AGBL4: variants seen among roughly 807,000 people sequenced by gnomAD.
AGBL4 encodes cytosolic carboxypeptidase 6.
In AGBL4, 58 loss-of-function variants were observed where a neutral mutation model predicts 66.4. The ratio of observed to expected loss-of-function variants is 0.87; its 90% CI spans 0.71 to 1.09. The LOEUF (loss-of-function observed/expected upper bound fraction) is 1.09, where lower values mean the gene tolerates loss of function less well. Among genes scored for constraint, AGBL4 ranks in the 50% least tolerant of loss-of-function variants. The pLI, the probability that AGBL4 is intolerant of heterozygous loss-of-function variation, is 0.00. For synonymous variants in AGBL4, 234 were observed against 222.9 expected (o/e 1.05, Z -0.44); for missense variants, 579 against 631.0 (o/e 0.92, Z 0.88).
chr1:49,467,717 G>A (rs905092314), intron 3 of AGBL4, among the ~76,000 whole-genome samples: 2 of 151,784 alleles, frequency 1.3e-5, no homozygotes, highest in Non-Finnish European at 2.9e-5. Flanking sequence ...TAAGGTGTTG[G>A]ACTTCACGAT....
chr1:49,380,563 C>G (rs898243665), intron 3 of AGBL4, among the ~76,000 whole-genome samples: 2 of 152,032 alleles, frequency 1.3e-5, no homozygotes, highest in African/African-American at 4.8e-5. Flanking sequence ...AAGAACAAAG[C>G]TGGAGGCATC....
At chr1:49,363,948 G>T (rs1021107641) in intron 3 of AGBL4, among the ~76,000 whole-genome samples, 1 of 152,268 alleles carries the variant, frequency 6.6e-6, no homozygotes, top group Non-Finnish European at 1.5e-5. Context: ...AACACAGGGG[G>T]GCTGTGGATA....
chr1:49,439,015 C>T (rs1645966623), intron 3 of AGBL4, among the ~76,000 whole-genome samples: 1 of 152,092 alleles, frequency 6.6e-6, no homozygotes, highest in Non-Finnish European at 1.5e-5. Context: ...CTTAAAGATC[C>T]CACCTATTAA....
intron 6 of AGBL4, among the ~76,000 whole-genome samples, chr1:48,709,159 T>G (rs1469180219): frequency 6.6e-6 from 1 of 152,140 alleles, no homozygotes; most frequent in Non-Finnish European, 1.5e-5. Flanking sequence ...CTCTCTGGAG[T>G]GCAGCTCCAA....
intron 1 of AGBL4, among the ~76,000 whole-genome samples, chr1:50,016,048 A>G (rs1336162237): frequency 2.0e-5 from 3 of 152,318 alleles, no homozygotes; most frequent in Admixed American, 1.3e-4. Flanking sequence ...GGGAAATACC[A>G]TTTTGCACAT....
intron 5 of AGBL4, 119 bp from the exon 6 acceptor site, chr1:48,867,349 G>A: frequency 2.0e-6 from 2 of 995,802 alleles, no homozygotes. Context: ...AAATCATACG[G>A]AATGTGGTAC....
At chr1:49,689,147 C>T (rs898839222) in intron 3 of AGBL4, among the ~76,000 whole-genome samples, 1 of 152,056 alleles carries the variant, frequency 6.6e-6, no homozygotes, top group African/African-American at 2.4e-5. Flanking sequence ...AATCTTTGCC[C>T]ACGCCAATGC....
At chr1:49,281,000 G>A (rs538997879) in intron 3 of AGBL4, among the ~76,000 whole-genome samples, 24 of 152,262 alleles carry the variant, frequency 1.6e-4, no homozygotes, top group African/African-American at 3.4e-4. Context: ...TATTATTACC[G>A]TATATATAAT....
chr1:49,222,232 T>C (rs979632547), intron 4 of AGBL4, among the ~76,000 whole-genome samples: 2 of 151,376 alleles, frequency 1.3e-5, no homozygotes, highest in African/African-American at 4.9e-5. Context: ...GCATTTTAGG[T>C]GACTTAAAGA....
intron 1 of AGBL4, among the ~76,000 whole-genome samples, chr1:49,973,740 C>T (rs1264614412): frequency 6.7e-6 from 1 of 148,942 alleles, no homozygotes; most frequent in African/African-American, 2.5e-5. Flanking sequence ...TATATATGAT[C>T]TATACAATCA....
At chr1:48,547,878 G>A (rs1221184669) in intron 11 of AGBL4, among the ~76,000 whole-genome samples, 1 of 152,060 alleles carries the variant, frequency 6.6e-6, no homozygotes, top group Non-Finnish European at 1.5e-5. Context: ...GTGACCTTGG[G>A]CCATTTCCCT....
chr1:48,681,665 C>G (rs1185078001), intron 6 of AGBL4, among the ~76,000 whole-genome samples: 1 of 152,246 alleles, frequency 6.6e-6, no homozygotes, highest in African/African-American at 2.4e-5. Context: ...CTTCTCCCCA[C>G]TCCTGGCTCC....
intron 6 of AGBL4, among the ~76,000 whole-genome samples, chr1:48,824,204 C>T (rs1646376660): frequency 1.3e-5 from 2 of 152,108 alleles, no homozygotes; most frequent in African/African-American, 2.4e-5. Flanking sequence ...TTAAGTGGCT[C>T]ACAATGGGGG....
chr1:49,342,040 A>G (rs1301643782), intron 3 of AGBL4, among the ~76,000 whole-genome samples: 1 of 152,142 alleles, frequency 6.6e-6, no homozygotes, highest in Non-Finnish European at 1.5e-5. Flanking sequence ...GGACAGATTG[A>G]AACCGTTGAT....
At chr1:49,093,757 G>T (rs1645041440) in intron 4 of AGBL4, among the ~76,000 whole-genome samples, 1 of 152,084 alleles carries the variant, frequency 6.6e-6, no homozygotes, top group Non-Finnish European at 1.5e-5. Context: ...CAAAACCTAG[G>T]TTCTTTAACT....
intron 11 of AGBL4, among the ~76,000 whole-genome samples, chr1:48,569,563 G>T (rs1644527220): frequency 6.6e-6 from 1 of 152,144 alleles, no homozygotes; most frequent in African/African-American, 2.4e-5. Flanking sequence ...CATGAAGTAG[G>T]TCCTTACTAA....
chr1:49,678,617 C>T (rs1267099600), intron 3 of AGBL4, among the ~76,000 whole-genome samples: 2 of 152,210 alleles, frequency 1.3e-5, no homozygotes, highest in South Asian at 2.1e-4. Flanking sequence ...CCTCTCAGTA[C>T]TGGTTTAGCT....
rs1644904028 is a variant in AGBL4, at chr1:48,590,833, A to G, written c.1104T>C (p.Tyr368=). 2 of 1,598,050 alleles carry G rather than the reference A, an allele frequency of 1.3e-6. No individual in the cohort carries two copies. Among genetic ancestry groups the G allele is most frequent in the East Asian group, 2.3e-5 (1 of 44,412 alleles). The change falls in exon 10 of 14, where the codon TAT becomes TAC. Residue 368 remains tyrosine, a splice_region_variant and synonymous_variant. Transcript: ENST00000371839. ...LLCQNAEDFS[Y]SSTSFNRDAV... is the part of the protein sequence containing the mutation. ...GGCTGAGAGAGAACTCCTGGCTTAC[A>G]TAGGAGAAGTCCTCAGCATTCTGGC...
chr1:49,040,798 G>A (rs1203452063), intron 5 of AGBL4, among the ~76,000 whole-genome samples: 1 of 152,000 alleles, frequency 6.6e-6, no homozygotes, highest in Non-Finnish European at 1.5e-5. Context: ...ATTAACAAGG[G>A]AACTTTTTGA....
Sources: allele counts gnomAD v4.1 joint callset (sites outside exome capture counted in the v4.1 genomes callset), GRCh38; gene constraint gnomAD v4.1.1; transcripts MANE v1.5; gene names NCBI Gene and HGNC (gene_info 2026-07-23, HGNC 2026-07-21).